Variants in MVB12B observed in about 807,000 individuals in gnomAD.
MVB12B encodes the protein ESCRT-I complex subunit MVB12B.
Under a neutral mutation model 41.6 loss-of-function variants are expected in MVB12B, and 16 were observed. The observed-to-expected ratio is 0.38, with a 90% confidence interval of 0.26 to 0.58. MVB12B has a LOEUF of 0.58. Ranked by LOEUF, MVB12B falls within the 20% of genes least tolerant of loss-of-function variation. The pLI is 0.62. For missense variants in MVB12B, 274 were observed against 380.2 expected, an observed-to-expected ratio of 0.72 and a Z score of 2.32; for synonymous variants, 133 against 139.7, an observed-to-expected ratio of 0.95 and a Z score of 0.34.
At chr9:126,354,578 A>G (rs1214057970) in intron 2 of MVB12B, among the ~76,000 whole-genome samples, 1 of 152,254 alleles carries the variant, frequency 6.6e-6, no homozygotes, top group South Asian at 2.1e-4. Context: ...AGTTAACATT[A>G]CCAGTAATGA....
chr9:126,469,682 A>G (rs908700530), intron 7 of MVB12B, among the ~76,000 whole-genome samples: 3 of 152,026 alleles, frequency 2.0e-5, no homozygotes, highest in Non-Finnish European at 4.4e-5. Flanking sequence ...TCTGCATTGG[A>G]CCTTGGGTCT....
At chr9:126,387,512 T>C (rs1830832001) in intron 4 of MVB12B, among the ~76,000 whole-genome samples, 1 of 152,240 alleles carries the variant, frequency 6.6e-6, no homozygotes, top group Non-Finnish European at 1.5e-5. Context: ...GTTTTCTTGC[T>C]AGCACTTCAT....
At chr9:126,460,003 C>T (rs1474736521) in intron 7 of MVB12B, among the ~76,000 whole-genome samples, 4 of 152,212 alleles carry the variant, frequency 2.6e-5, no homozygotes, top group Non-Finnish European at 4.4e-5. Context: ...ACCACTTTTC[C>T]CCAGCCGTGG....
chr9:126,402,314 A>G (rs1831288117), intron 6 of MVB12B, among the ~76,000 whole-genome samples: 1 of 152,092 alleles, frequency 6.6e-6, no homozygotes, highest in Non-Finnish European at 1.5e-5. Flanking sequence ...GAGCTAAGCA[A>G]TGGAGCACTC....
At chr9:126,402,941 G>A (rs1433972884) in intron 6 of MVB12B, among the ~76,000 whole-genome samples, 9 of 152,226 alleles carry the variant, frequency 5.9e-5, no homozygotes, top group Admixed American at 5.2e-4. Flanking sequence ...TGCGCAAGTG[G>A]CACCTTCCAG....
chr9:126,328,093 C>T (rs1253632077), intron 1 of MVB12B, among the ~76,000 whole-genome samples: 1 of 152,178 alleles, frequency 6.6e-6, no homozygotes, highest in Non-Finnish European at 1.5e-5. Context: ...AAAAAATAAG[C>T]TCTGTGAAGC....
chr9:126,335,197 A>G (rs1365890695), intron 1 of MVB12B: 1 of 1,121,932 alleles, frequency 8.9e-7, no homozygotes, highest in Admixed American at 3.7e-5. Flanking sequence ...CCACCTGACT[A>G]TGTCCAGCAG....
At chr9:126,351,758 G>T (rs917232478) in intron 2 of MVB12B, among the ~76,000 whole-genome samples, 1 of 152,100 alleles carries the variant, frequency 6.6e-6, no homozygotes, top group Non-Finnish European at 1.5e-5. Flanking sequence ...AAAGTGCTGG[G>T]ATTACAGGCT....
intron 7 of MVB12B, among the ~76,000 whole-genome samples, chr9:126,452,150 G>T (rs1261876285): frequency 2.0e-5 from 3 of 152,228 alleles, no homozygotes; most frequent in Non-Finnish European, 4.4e-5. Flanking sequence ...GTGAGTCCGT[G>T]CCTTCAGCTC....
At chr9:126,388,881 T>A (rs2118988194) in intron 4 of MVB12B, among the ~76,000 whole-genome samples, 1 of 152,364 alleles carries the variant, frequency 6.6e-6, no homozygotes, top group East Asian at 1.9e-4. Context: ...ACTTTCCTCC[T>A]TTTCCCCTGT....
At position 126,478,845 on chromosome 9, in the gene MVB12B, G is replaced by C. The variant is rs1356053247; in HGVS notation, c.758-2524G>C. ...ACCTTCGTAACACACAGGATCCCTA[G>C]ACATACAGTGACATGTAGATAGAAA... On this transcript the variant is annotated intron_variant, in intron 7 of 9. Transcript: ENST00000361171. The surrounding 1 kb of genome is among the most constrained non-coding windows in gnomAD (Gnocchi z 4.2). Among the ~76,000 whole-genome samples, 1 of 152,160 alleles carries C rather than the reference G, an allele frequency of 6.6e-6. No individual in the cohort carries two copies. The highest frequency in any genetic ancestry group is 1.5e-5 in the Non-Finnish European group (1 of 68,046).
intron 2 of MVB12B, among the ~76,000 whole-genome samples, chr9:126,364,585 G>T (rs982721737): frequency 6.6e-6 from 1 of 152,186 alleles, no homozygotes; most frequent in Non-Finnish European, 1.5e-5. Flanking sequence ...CCCTAGCTAA[G>T]GCAAACATGG....
At chr9:126,423,057 C>G (rs950634407) in intron 7 of MVB12B, among the ~76,000 whole-genome samples, 3 of 152,178 alleles carry the variant, frequency 2.0e-5, no homozygotes, top group Non-Finnish European at 4.4e-5. Flanking sequence ...GTGGCTATTT[C>G]AGCAGAGTCG....
At chr9:126,401,363 C>T (rs1488972763) in intron 6 of MVB12B, among the ~76,000 whole-genome samples, 1 of 152,228 alleles carries the variant, frequency 6.6e-6, no homozygotes, top group Non-Finnish European at 1.5e-5. Flanking sequence ...TTGTCAGTCA[C>T]AGGTTCGGAA....
intron 2 of MVB12B, among the ~76,000 whole-genome samples, chr9:126,365,918 T>G (rs1458621077): frequency 6.6e-6 from 1 of 152,132 alleles, no homozygotes; most frequent in African/African-American, 2.4e-5. Context: ...GACTGAAGGA[T>G]TAAAATGAAA....
At chr9:126,400,349 G>A (rs1052447494) in intron 6 of MVB12B, among the ~76,000 whole-genome samples, 3 of 152,144 alleles carry the variant, frequency 2.0e-5, no homozygotes, top group Admixed American at 1.3e-4. Flanking sequence ...AAAAAAATCA[G>A]TAAAGACAGC....
At chr9:126,372,798 G>C (rs866276800) in intron 2 of MVB12B, among the ~76,000 whole-genome samples, 10 of 152,204 alleles carry the variant, frequency 6.6e-5, no homozygotes, top group African/African-American at 2.4e-4. Flanking sequence ...GTTCTTGCCT[G>C]CTGGGATCAT....
At chr9:126,381,585 C>T (rs905068154) in intron 3 of MVB12B, among the ~76,000 whole-genome samples, 2 of 152,060 alleles carry the variant, frequency 1.3e-5, no homozygotes, top group African/African-American at 4.8e-5. Context: ...TCCACAGTGA[C>T]GTTTCCTCGC....
chr9:126,411,605 A>C (rs1831653491), intron 6 of MVB12B, among the ~76,000 whole-genome samples: 1 of 152,218 alleles, frequency 6.6e-6, no homozygotes, highest in African/African-American at 2.4e-5. Flanking sequence ...TAAGTTTTAC[A>C]AAACCTTACT....
Sources: gnomAD v4.1 joint callset for allele counts (sites outside exome capture counted in the v4.1 genomes callset) on GRCh38, gnomAD v4.1.1 for gene constraint, Gnocchi (gnomAD v3.1) non-coding constraint, MANE v1.5 for transcripts, NCBI Gene and HGNC (gene_info 2026-07-23, HGNC 2026-07-21) for gene names.